The following FAT1 variants were observed in gnomAD, a reference collection of about 807,000 sequenced individuals.
FAT1 encodes protocadherin Fat 1.
A neutral mutation model predicts 329.8 loss-of-function variants in FAT1; 171 were observed. That is an observed-to-expected ratio of 0.52 (90% CI 0.46 to 0.59). The LOEUF (loss-of-function observed/expected upper bound fraction) is 0.59. Ranked by LOEUF, FAT1 falls within the 20% of genes least tolerant of loss-of-function variation. FAT1 has a pLI of 0.00. For synonymous variants in FAT1, 2,233 were observed against 2,228.6 expected (o/e 1.00, Z -0.06); for missense variants, 5,672 against 5,774.4 (o/e 0.98, Z 0.57).
At chr4:186,701,918 C>T (rs113615830) in intron 2 of FAT1, among the ~76,000 whole-genome samples, 1,544 of 152,342 alleles carry the variant, frequency 0.01, 24 homozygotes, top group African/African-American at 0.033. Flanking sequence ...TGTAGAAACG[C>T]ACTCACCTGT....
rs748020206 is a variant in FAT1, at chr4:186,613,330, G to A, written c.9242C>T (p.Thr3081Met). 13 of 1,613,738 alleles carry A rather than the reference G, an allele frequency of 8.1e-6. No individual in the cohort carries two copies. The highest frequency in any genetic ancestry group is 4.5e-5 in the East Asian group (2 of 44,886). ...CTCCTCACGATCAAGGGGGGTTGAC[G>A]TTTTCAGTTCACCTACAAACAAAAA... The part of the protein sequence containing the change: ...KLNPDTGELK[T>M]STPLDREEQA... The change falls in exon 13 of 27, where the codon ACG becomes ATG. Residue 3081 changes from threonine to methionine, a missense_variant. By Grantham distance (81) the Thr-to-Met change is moderately conservative (BLOSUM62 -1). Coordinates refer to ENST00000441802, the MANE Select transcript of FAT1 (RefSeq NM_005245.4).
chr4:186,597,101 C>T lies in FAT1; in HGVS notation c.12439G>A (p.Gly4147Ser), dbSNP rs1193578774. The change falls in exon 25 of 27, where the codon GGC becomes AGC. Residue 4147 changes from glycine to serine, a missense_variant. By Grantham distance (56) the Gly-to-Ser change is moderately conservative. This residue lies in a region of FAT1 where 1,706 missense variants were observed against 1,859.1 expected (regional missense o/e 0.92). Transcript: ENST00000441802. ...LHGALCENTH[G>S]SYHCNCSHEY... ...TGGCTGCAGTTGCAGTGATAGGAGC[C>T]GTGCGTGTTCTCACAGAGGGCCCCG... 5 of 1,613,872 alleles carry T rather than the reference C, an allele frequency of 3.1e-6. No homozygotes were observed. The highest frequency in any genetic ancestry group is 1.1e-5 in the South Asian group (1 of 91,078).
chr4:186,639,393 A>G (rs545861333), intron 4 of FAT1, among the ~76,000 whole-genome samples: 63 of 152,342 alleles, frequency 4.1e-4, no homozygotes, highest in African/African-American at 1.5e-3. Flanking sequence ...ACAGAAAAAT[A>G]TCACTTATGT....
chr4:186,674,099 T>C, intron 2 of FAT1, among the ~76,000 whole-genome samples: 1 of 152,244 alleles, frequency 6.6e-6, no homozygotes, highest in East Asian at 1.9e-4. Flanking sequence ...TTGATTACTC[T>C]TCTCCCCTTA....
In FAT1 at chr4:186,596,747, T is replaced by C. The variant is rs377083954; in HGVS notation, c.12793A>G (p.Arg4265Gly). The change falls in exon 25 of 27, where the codon AGA (arginine) becomes GGA (glycine). Residue 4265 changes from arginine to glycine, a missense_variant. Physicochemically the swap from Arg to Gly is moderately radical, Grantham distance 125. This residue lies in a region of FAT1 where 1,706 missense variants were observed against 1,859.1 expected (regional missense o/e 0.92). Coordinates refer to ENST00000441802, the MANE Select transcript of FAT1 (RefSeq NM_005245.4). This position sits in a 1 kb window ranked among gnomAD's most constrained non-coding sequence, Gnocchi z 4.7. The stretch of plus-strand genomic sequence containing the variant: ...AAGGAATTTCGGTCCAGATTGTTTC[T>C]TGAGTCACTTGGAATACTCGGGGTG... ...SYTPSIPSDS[R>G]NNLDRNSFEG... 11 of 1,614,014 alleles carry C rather than the reference T, an allele frequency of 6.8e-6. No individual in the cohort carries two copies. Among genetic ancestry groups the C allele is most frequent in the Admixed American group, 1.7e-5 (1 of 60,026 alleles).
Position 186,603,476 on chromosome 4 carries a change from G to T in FAT1, c.11050C>A (p.Gln3684Lys), listed in dbSNP as rs2126428778. 1 of 1,613,970 alleles carries T rather than the reference G, an allele frequency of 6.2e-7. No individual in the cohort carries two copies. Among genetic ancestry groups the T allele is most frequent in the Non-Finnish European group, 8.5e-7 (1 of 1,179,870 alleles). ...AGATGTGGGTGAGGTTCAGAGGACT[G>T]CAAACTAACAATCTGTATGTCGTTC... ...RRNDIQIVSL[Q>K]SSEPHPHLDV... The change falls in exon 19 of 27, where the codon CAG (glutamine) becomes AAG (lysine). Residue 3684 changes from glutamine (Q) to lysine (K), a missense_variant. Physicochemically the swap from Gln to Lys is moderately conservative, Grantham distance 53. Transcript: ENST00000441802.
At chr4:186,673,441 G>A (rs566652221) in intron 2 of FAT1, among the ~76,000 whole-genome samples, 25 of 152,110 alleles carry the variant, frequency 1.6e-4, no homozygotes, top group Non-Finnish European at 2.4e-4. Flanking sequence ...TGGCAGCTTC[G>A]ATAACTAACA....
intron 9 of FAT1, among the ~76,000 whole-genome samples, chr4:186,625,816 C>T (rs963060312): frequency 1.3e-5 from 2 of 152,244 alleles, no homozygotes; most frequent in East Asian, 1.9e-4. Flanking sequence ...TAAAGCAGAG[C>T]CCTGTTTCTA....
chr4:186,657,677 G>T (rs1217444927), intron 3 of FAT1, among the ~76,000 whole-genome samples: 3 of 152,094 alleles, frequency 2.0e-5, no homozygotes, highest in Non-Finnish European at 4.4e-5. Context: ...TAAAAATAAA[G>T]ATCAATACTT....
intron 26 of FAT1, among the ~76,000 whole-genome samples, chr4:186,590,150 G>GTT (rs11410853): frequency 8.0e-4 from 119 of 148,470 alleles, no homozygotes; most frequent in African/African-American, 1.3e-3. Flanking sequence ...TTTTGGAATA[G>GTT]TTTTTTTTTT....
intron 2 of FAT1, among the ~76,000 whole-genome samples, chr4:186,672,868 T>G (rs1579427031): frequency 1.3e-5 from 2 of 152,106 alleles, no homozygotes; most frequent in South Asian, 4.1e-4. Flanking sequence ...ACCAGAGAAG[T>G]TGTGACTTGA....
chr4:186,706,500 A>G (rs1206510744), intron 2 of FAT1, 63 bp downstream of exon 2: 3 of 1,478,550 alleles, frequency 2.0e-6, no homozygotes, highest in Non-Finnish European at 2.7e-6. Context: ...CACAGGGCAG[A>G]TGGTTAAAAA....
At chr4:186,675,385 T>C (rs1169240302) in intron 2 of FAT1, among the ~76,000 whole-genome samples, 1 of 151,864 alleles carries the variant, frequency 6.6e-6, no homozygotes, top group Non-Finnish European at 1.5e-5. Context: ...GAGAATCGCT[T>C]GAACCCAGGA....
chr4:186,607,214 C>A (rs999030465), intron 16 of FAT1, among the ~76,000 whole-genome samples: 10 of 152,324 alleles, frequency 6.6e-5, no homozygotes, highest in African/African-American at 2.4e-4. Context: ...CATTCTTAAT[C>A]ATCACCAGTG....
At chr4:186,694,316 C>T (rs967476501) in intron 2 of FAT1, among the ~76,000 whole-genome samples, 2 of 152,346 alleles carry the variant, frequency 1.3e-5, no homozygotes, top group African/African-American at 4.8e-5. Context: ...GAACAACTTC[C>T]ACAACGGTTT....
intron 2 of FAT1, among the ~76,000 whole-genome samples, chr4:186,684,753 A>T (rs1298923750): frequency 6.6e-6 from 1 of 152,144 alleles, no homozygotes; most frequent in Non-Finnish European, 1.5e-5. Context: ...TAATACAAAC[A>T]GGGTAACAAT....
At chr4:186,594,022 C>T (rs1738368696) in intron 26 of FAT1, among the ~76,000 whole-genome samples, 1 of 152,076 alleles carries the variant, frequency 6.6e-6, no homozygotes, top group Non-Finnish European at 1.5e-5. Flanking sequence ...TATCTGGAAG[C>T]TAGTTTTCAT....
chr4:186,597,778 G>T lies in FAT1; in HGVS notation c.12272C>A (p.Pro4091Gln). The T allele has an allele frequency of 1.2e-6, 2 of 1,613,404 alleles. No individual in the cohort carries two copies. Among genetic ancestry groups the T allele is most frequent in the South Asian group, 2.2e-5 (2 of 91,050 alleles). Residue 4091 changes from proline to glutamine, a missense_variant, in exon 24 of 27, where the codon CCA (proline) becomes CAA (glutamine). This residue lies in a region of FAT1 where 1,706 missense variants were observed against 1,859.1 expected (regional missense o/e 0.92). Coordinates refer to ENST00000441802, the MANE Select transcript of FAT1 (RefSeq NM_005245.4). ...LYTGQRCQLS[P>Q]YCKDEPCKNG... ...CTTACAGGGTTCATCTTTGCAGTAT[G>T]GACTAAGCTGACACCTGAAGAGTAA...
chr4:186,653,168 A>T (rs1741748393), intron 3 of FAT1, among the ~76,000 whole-genome samples: 1 of 152,248 alleles, frequency 6.6e-6, no homozygotes, highest in Non-Finnish European at 1.5e-5. Flanking sequence ...AAGTATACTT[A>T]GAGCCAACTG....
Sources: gnomAD v4.1 joint callset for allele counts (sites outside exome capture counted in the v4.1 genomes callset) on GRCh38, gnomAD v4.1.1 for gene constraint, gnomAD v4.1.1 regional missense constraint, Gnocchi (gnomAD v3.1) non-coding constraint, MANE v1.5 for transcripts, NCBI Gene and HGNC (gene_info 2026-07-23, HGNC 2026-07-21) for gene names.